Variants in ADGRG6 observed in about 807,000 individuals in gnomAD.
ADGRG6 encodes G-protein coupled receptor 126.
A neutral mutation model predicts 142.4 loss-of-function variants in ADGRG6; 84 were observed. The ratio of observed to expected loss-of-function variants is 0.59; its 90% CI spans 0.49 to 0.71. The LOEUF is 0.71. Among genes scored for constraint, ADGRG6 ranks in the 30% least tolerant of loss-of-function variants. ADGRG6 has a pLI of 0.00. For missense variants in ADGRG6, 1,367 were observed against 1,466.6 expected, an observed-to-expected ratio of 0.93 and a Z score of 1.11; for synonymous variants, 521 against 520.5, an observed-to-expected ratio of 1.00 and a Z score of -0.01.
rs1777269672 is a variant in ADGRG6 at position 142,302,411 on chromosome 6, C to G, written c.2+80C>G. 5 of 1,427,858 alleles carry G rather than the reference C, an allele frequency of 3.5e-6. No homozygotes were observed. The Admixed American group carries it at 7.7e-5, about 22-fold the overall frequency. The allele number at this position is 1,427,858 out of a possible 1,614,324, so 88.4% of individuals were successfully genotyped here. On this transcript the variant is annotated intron_variant, in intron 1 of 24. Coordinates refer to ENST00000367609, the MANE Select transcript of ADGRG6 (RefSeq NM_198569.3). ...TCTGTCGCCCCCTCCCCGACCACCC[C>G]ACCCTCAAGAGAAATGATTTTATAA...
chr6:142,429,790 G>A (rs1168686327), intron 22 of ADGRG6, among the ~76,000 whole-genome samples: 1 of 152,102 alleles, frequency 6.6e-6, no homozygotes, highest in East Asian at 1.9e-4. Context: ...AGTGGCTCAC[G>A]CCTATAATAC....
rs181203784 is a variant in ADGRG6 at position 142,351,004 on chromosome 6, G to A, written c.104-16565G>A. On this transcript the variant is annotated intron_variant, in intron 2 of 24. Transcript: ENST00000367609. ...TAATCCCAGCACTTTGGGAGGCCAA[G>A]GCGGGTGGATCACGAGGTCAGGAGA... Among the ~76,000 whole-genome samples the A allele has an allele frequency of 1.9e-3, 284 of 152,298 alleles. 1 individual carries two copies. The highest frequency in any genetic ancestry group is 3.4e-3 in the Middle Eastern group (1 of 294).
At chr6:142,401,392 A>G (rs536329928) in intron 11 of ADGRG6, among the ~76,000 whole-genome samples, 6 of 152,314 alleles carry the variant, frequency 3.9e-5, no homozygotes, top group African/African-American at 1.4e-4. Flanking sequence ...ATGTGAACTC[A>G]AAATCAGATT....
intron 4 of ADGRG6, among the ~76,000 whole-genome samples, chr6:142,372,577 A>G (rs148312715): frequency 1.9e-3 from 292 of 152,304 alleles, no homozygotes; most frequent in Middle Eastern, 0.014. Flanking sequence ...TCCTTGCAGG[A>G]TGTTGGAAAG....
chr6:142,425,189 T>C (rs1776879892), intron 22 of ADGRG6, among the ~76,000 whole-genome samples: 1 of 152,148 alleles, frequency 6.6e-6, no homozygotes, highest in Admixed American at 6.6e-5. Context: ...AGTGACATGA[T>C]TGGATGTGCA....
At chr6:142,305,949 C>T (rs1358829819) in intron 1 of ADGRG6, among the ~76,000 whole-genome samples, 2 of 151,234 alleles carry the variant, frequency 1.3e-5, no homozygotes, top group African/African-American at 4.9e-5. Flanking sequence ...TGATCTTTAA[C>T]CAAAAAAAAG....
chr6:142,441,094 A>C, intron 24 of ADGRG6: 1 of 548,658 alleles, frequency 1.8e-6, no homozygotes. Context: ...TCCTGCATTG[A>C]GCTGGAATTT....
intron 5 of ADGRG6, 95 bp from the exon 6 acceptor site, chr6:142,383,665 C>T: frequency 1.5e-6 from 1 of 682,268 alleles, no homozygotes; most frequent in Non-Finnish European, 2.6e-6. Context: ...CCATTCTTCC[C>T]CTATATATTT....
chr6:142,409,850 A>G lies in ADGRG6; in HGVS notation c.2389-24A>G, dbSNP rs116684101. 2.4e-3 allele frequency: 2,825 copies of G among 1,194,920 alleles called. 51 individuals carry two copies. In the African/African-American group the frequency reaches 0.037, roughly 16 times the overall value. The allele number at this position is 1,194,920 out of a possible 1,614,324, so 74.0% of individuals were successfully genotyped here. A position where few individuals can be genotyped will look rare whatever the true frequency, so the allele number is the denominator to read the frequency against. ...CATGGCATTTTAAACACAATTTCAC[A>G]TGTTTATTCTTATGTTAATATAGGA... On this transcript the variant is annotated intron_variant, in intron 16 of 24. Coordinates refer to ENST00000367609, the MANE Select transcript of ADGRG6 (RefSeq NM_198569.3).
intron 2 of ADGRG6, among the ~76,000 whole-genome samples, chr6:142,331,781 T>C (rs1779076401): frequency 6.6e-6 from 1 of 152,212 alleles, no homozygotes; most frequent in African/African-American, 2.4e-5. Context: ...TACGTGTCAC[T>C]GCTTGCTAGC....
At chr6:142,338,154 G>A (rs768105414) in intron 2 of ADGRG6, among the ~76,000 whole-genome samples, 12 of 150,686 alleles carry the variant, frequency 8.0e-5, no homozygotes, top group Non-Finnish European at 8.9e-5. Context: ...CCGAGTAGCT[G>A]CGACTACAGG....
chr6:142,430,009 T>C (rs1777132967), intron 22 of ADGRG6, among the ~76,000 whole-genome samples: 1 of 152,090 alleles, frequency 6.6e-6, no homozygotes, highest in Non-Finnish European at 1.5e-5. Flanking sequence ...TATAATCATG[T>C]TACTGCACTC....
intron 2 of ADGRG6, among the ~76,000 whole-genome samples, chr6:142,335,508 G>A (rs1469009465): frequency 6.6e-6 from 1 of 152,154 alleles, no homozygotes; most frequent in Admixed American, 6.5e-5. Flanking sequence ...CATTGCAATG[G>A]AAATACGTGG....
intron 4 of ADGRG6, among the ~76,000 whole-genome samples, chr6:142,373,809 G>C (rs1781365063): frequency 6.6e-6 from 1 of 151,504 alleles, no homozygotes; most frequent in South Asian, 2.1e-4. Flanking sequence ...CTCCCAAAGT[G>C]GTGGGATTAC....
chr6:142,367,439 T>A (rs1168178135), intron 2 of ADGRG6, 130 bp from the exon 3 acceptor site: 9 of 633,552 alleles, frequency 1.4e-5, no homozygotes, highest in Non-Finnish European at 2.5e-5. Flanking sequence ...TTTCCATTTA[T>A]TTTTTATGAT....
At chr6:142,395,013 T>C (rs946025240) in intron 9 of ADGRG6, among the ~76,000 whole-genome samples, 17 of 152,190 alleles carry the variant, frequency 1.1e-4, no homozygotes, top group African/African-American at 3.9e-4. Context: ...CTTGCTTCTT[T>C]TCAGGTGATA....
At chr6:142,402,484 G>A (rs1775571220) in intron 12 of ADGRG6, 136 bp from the exon 13 acceptor site, 2 of 583,096 alleles carry the variant, frequency 3.4e-6, no homozygotes, top group Non-Finnish European at 6.1e-6. Flanking sequence ...TGAATATGGG[G>A]ATGAGGTATA....
In ADGRG6 at chr6:142,397,715, T is replaced by C. The variant is rs987403072; in HGVS notation, c.1527T>C (p.Asp509=). ...QKLLKNNESL[D]EGLRLHTVNV... ...TCCTAAAAAATAATGAGTCCTTGGA[T>C]GAAGGCTTGAGGCTACATACAGTGA... The change falls in exon 10 of 25, where the codon GAT becomes GAC. Residue 509 remains aspartate, a synonymous_variant. Coordinates refer to ENST00000367609, the MANE Select transcript of ADGRG6 (RefSeq NM_198569.3). The C allele has an allele frequency of 6.2e-7, 1 of 1,607,340 alleles. No individual in the cohort carries two copies.
chr6:142,364,348 G>A (rs1780853007), intron 2 of ADGRG6, among the ~76,000 whole-genome samples: 1 of 152,046 alleles, frequency 6.6e-6, no homozygotes, highest in South Asian at 2.1e-4. Flanking sequence ...AGAATAATAT[G>A]GAAGAATGTA....
Sources: allele counts gnomAD v4.1 joint callset (sites outside exome capture counted in the v4.1 genomes callset), GRCh38; gene constraint gnomAD v4.1.1; transcripts MANE v1.5; gene names NCBI Gene and HGNC (gene_info 2026-07-23, HGNC 2026-07-21).